The following ANKRD54 variants were observed in gnomAD, a reference collection of about 807,000 sequenced individuals.
ANKRD54 encodes ankyrin repeat domain-containing protein 54.
ANKRD54 carries 26 observed loss-of-function variants against 36.2 expected under a neutral mutation model. The observed-to-expected ratio is 0.72, with a 90% CI of 0.53 to 1.00. The LOEUF (loss-of-function observed/expected upper bound fraction) is 1.00. Ranked by LOEUF, ANKRD54 falls within the 50% of genes least tolerant of loss-of-function variation. The pLI is 0.00. For synonymous variants in ANKRD54, 209 were observed against 188.4 expected (o/e 1.11, Z -0.89); for missense variants, 384 against 424.3 (o/e 0.91, Z 0.83).
chr22:37,837,270 A>ATGTGT, intron 3 of ANKRD54, among the ~76,000 whole-genome samples: 1 of 152,202 alleles, frequency 6.6e-6, no homozygotes, highest in Middle Eastern at 3.4e-3. Flanking sequence ...AGCTAAATAC[A>ATGTGT]TGTGTACCCT....
chr22:37,831,762 G>A lies in ANKRD54; in HGVS notation c.*181C>T, dbSNP rs1290856259. On this transcript the variant is annotated 3_prime_UTR_variant, in exon 8 of 8. Transcript: ENST00000215941. ...GTCCACAGAGATGCTGGAAACTGTG[G>A]CTGGGAGTGGCTCTGAGGCCGTGGA... 3 of 599,484 alleles carry A rather than the reference G, an allele frequency of 5.0e-6. No individual in the cohort carries two copies. The highest frequency in any genetic ancestry group is 8.8e-6 in the Non-Finnish European group (3 of 339,258). 37.1% of individuals were successfully genotyped at this position (599,484 alleles called of 1,614,324 possible).
chr22:37,844,634 C>G (rs1041709408), upstream of ANKRD54, among the ~76,000 whole-genome samples: 2 of 152,060 alleles, frequency 1.3e-5, no homozygotes, highest in Non-Finnish European at 2.9e-5. Flanking sequence ...CCGCCAGGCT[C>G]GCGATCTCGG....
chr22:37,839,814 C>T (rs905636281), intron 2 of ANKRD54, among the ~76,000 whole-genome samples: 1 of 152,256 alleles, frequency 6.6e-6, no homozygotes, highest in South Asian at 2.1e-4. Context: ...GCCACCTCAC[C>T]TGGCCGTGGC....
chr22:37,833,081 C>T lies in ANKRD54; in HGVS notation c.597G>A (p.Gly199=). The change falls in exon 6 of 8, where the codon GGG becomes GGA. Residue 199 remains glycine (G), a splice_region_variant and synonymous_variant. Transcript: ENST00000215941. The part of the protein sequence containing the change: ...VPVITTLLRG[G]ARVDALDRAG... ...CTCGGTCCAGGGCATCTACACGGGC[C>T]CCTGCAGGTACCAGCTGAGGTGAGC... The T allele has an allele frequency of 6.2e-7, 1 of 1,614,040 alleles. No individual in the cohort carries two copies. Among genetic ancestry groups the T allele is most frequent in the Non-Finnish European group, 8.5e-7 (1 of 1,179,982 alleles).
Position 37,832,000 on chromosome 22 carries a change from G to T in ANKRD54, c.846C>A (p.Asp282Glu), listed in dbSNP as rs1396222501. ...TGAGGGAGGTGAAGCTGGCCAGGAG[G>T]TCAGTCACTTCATCCACCTGCAGGA... ...STKEQVDEVT[D>E]LLASFTSLSL... The change falls in exon 8 of 8, where the codon GAC (aspartate) becomes GAA (glutamate). Residue 282 changes from aspartate to glutamate, a missense_variant. Coordinates refer to ENST00000215941, the MANE Select transcript of ANKRD54 (RefSeq NM_138797.4). 1 of 1,613,394 alleles carries T rather than the reference G, an allele frequency of 6.2e-7. No homozygotes were observed.
intron 1 of ANKRD54, 29 bp downstream of exon 1, chr22:37,843,882 C>T: frequency 8.3e-7 from 1 of 1,203,302 alleles, no homozygotes; most frequent in Non-Finnish European, 1.0e-6. Flanking sequence ...TGCCCCGCCC[C>T]GGGCCCCCGC....
In ANKRD54 at chr22:37,831,868, T is replaced by C. The variant is rs1922919638; in HGVS notation, c.*75A>G. The C allele has an allele frequency of 2.7e-6, 4 of 1,501,036 alleles. No individual in the cohort carries two copies. Among genetic ancestry groups the C allele is most frequent in the Non-Finnish European group, 3.7e-6 (4 of 1,091,976 alleles). The allele number at this position is 1,501,036 out of a possible 1,614,324, so 93.0% of individuals were successfully genotyped here. A position where few individuals can be genotyped will look rare whatever the true frequency, so the allele number is the denominator to read the frequency against. On this transcript the variant is annotated 3_prime_UTR_variant, in exon 8 of 8. Coordinates refer to ENST00000215941, the MANE Select transcript of ANKRD54 (RefSeq NM_138797.4). ...CAAGTGCAGCTCCAAGTCCCAGATG[T>C]TGGGCTTTTTCTTGGTACTGAGACA...
At chr22:37,835,270 G>A in intron 3 of ANKRD54, among the ~76,000 whole-genome samples, 1 of 152,060 alleles carries the variant, frequency 6.6e-6, no homozygotes, top group East Asian at 1.9e-4. Context: ...GCTGAGGTGG[G>A]AGAATAGCTT....
rs755470303 is a variant in ANKRD54 at position 37,832,642 on chromosome 22, C to T, written c.823G>A (p.Glu275Lys). 6.8e-6 allele frequency: 11 copies of T among 1,614,020 alleles called. No homozygotes were observed. In the South Asian group the frequency reaches 1.2e-4, roughly 18 times the overall value. ...GGCCTGTGGCTGCAGCTCACCTGCT[C>T]TTTGGTACTGGTCATCTGCAGGCGG... The part of the protein sequence containing the change: ...CTRLQMTSTK[E>K]QVDEVTDLLA... The change falls in exon 7 of 8, where the codon GAG (glutamate) becomes AAG (lysine). Residue 275 changes from glutamate (E) to lysine (K), a missense_variant. Physicochemically the swap from Glu to Lys is moderately conservative, Grantham distance 56 (BLOSUM62 1). Transcript: ENST00000215941.
intron 2 of ANKRD54, 91 bp from the exon 3 acceptor site, chr22:37,838,689 G>T: frequency 7.5e-7 from 1 of 1,327,602 alleles, no homozygotes. Flanking sequence ...AGGCTCAGGG[G>T]TGCCTCTAGA....
At position 37,837,609 on chromosome 22, in the gene ANKRD54, C is replaced by G. The variant is rs8136241; in HGVS notation, c.475+891G>C. Among the ~76,000 whole-genome samples the G allele has an allele frequency of 3.7e-3, 571 of 152,270 alleles. 1 individual carries two copies. The highest frequency in any genetic ancestry group is 0.013 in the African/African-American group (544 of 41,534). On this transcript the variant is annotated intron_variant, in intron 3 of 7. Transcript: ENST00000215941. ...ATGGAGTTTGGTATCTGAGTGGGGT[C>G]CTGGAACCAATCCCAAGAACACTGA... is the stretch of plus-strand genomic sequence containing the variant.
In ANKRD54 at chr22:37,831,160, G is replaced by C. The variant is rs1005240117; in HGVS notation, c.*783C>G. 1 of 152,218 alleles carries C rather than the reference G, an allele frequency of 6.6e-6. No individual in the cohort carries two copies. The highest frequency in any genetic ancestry group is 6.5e-5 in the Admixed American group (1 of 15,276). The allele number at this position is 152,218 out of a possible 1,614,324, so 9.4% of individuals were successfully genotyped here. On this transcript the variant is annotated 3_prime_UTR_variant, in exon 8 of 8. Coordinates refer to ENST00000215941, the MANE Select transcript of ANKRD54 (RefSeq NM_138797.4). ...AGCTGGGATAATCTTCCTGGCGAAA[G>C]ATCCTTAACTTCATTACATCTGCAA...
intron 1 of ANKRD54, among the ~76,000 whole-genome samples, chr22:37,842,911 T>G (rs1038332899): frequency 1.3e-5 from 2 of 152,248 alleles, no homozygotes; most frequent in Non-Finnish European, 1.5e-5. Flanking sequence ...TGACCCGGAT[T>G]CTAATACCAG....
intron 3 of ANKRD54, among the ~76,000 whole-genome samples, chr22:37,835,586 C>T (rs1015993387): frequency 1.1e-4 from 16 of 152,128 alleles, no homozygotes; most frequent in African/African-American, 2.9e-4. Flanking sequence ...GTGACAGGAT[C>T]GCCTGAGCCC....
intron 2 of ANKRD54, 72 bp downstream of exon 2, chr22:37,840,115 T>G: frequency 6.4e-7 from 1 of 1,574,182 alleles, no homozygotes; most frequent in Non-Finnish European, 8.7e-7. Flanking sequence ...TTCCCACATA[T>G]TGATTACCTG....
intron 3 of ANKRD54, 58 bp downstream of exon 3, chr22:37,838,442 G>C: frequency 6.6e-7 from 1 of 1,517,282 alleles, no homozygotes; most frequent in Non-Finnish European, 9.0e-7. Context: ...CTCCCCCAAG[G>C]CCTGTGCAGA....
At chr22:37,832,380 G>A (rs1569092576) in intron 7 of ANKRD54, among the ~76,000 whole-genome samples, 1 of 151,442 alleles carries the variant, frequency 6.6e-6, no homozygotes, top group Non-Finnish European at 1.5e-5. Context: ...TTTTCCACAT[G>A]TTCTGAGAGG....
Position 37,843,936 on chromosome 22 carries a change from G to A in ANKRD54, c.303C>T (p.Leu101=), listed in dbSNP as rs748408741. The change falls in exon 1 of 8, where the codon CTC becomes CTT. Residue 101 remains leucine (L), a synonymous_variant. Coordinates refer to ENST00000215941, the MANE Select transcript of ANKRD54 (RefSeq NM_138797.4). ...CGTGCACCTCCTTGCCCGTGGGCCC[G>A]AGCCGCCGGTGGGGCCTGGCAGCGC... is the stretch of plus-strand genomic sequence containing the variant. ...LRRAARPHRR[L]GPTGKEVHAL... 23 of 1,364,584 alleles carry A rather than the reference G, an allele frequency of 1.7e-5. No homozygotes were observed. The South Asian group carries it at 3.7e-4, about 22-fold the overall frequency. 84.5% of individuals were successfully genotyped at this position (1,364,584 alleles called of 1,614,324 possible).
At chr22:37,838,202 G>A (rs1388905323) in intron 3 of ANKRD54, among the ~76,000 whole-genome samples, 2 of 152,178 alleles carry the variant, frequency 1.3e-5, no homozygotes, top group Non-Finnish European at 2.9e-5. Flanking sequence ...CTGAGTAAAT[G>A]TTACCTGAAA....
Sources: gnomAD v4.1 joint callset for allele counts (sites outside exome capture counted in the v4.1 genomes callset) on GRCh38, gnomAD v4.1.1 for gene constraint, MANE v1.5 for transcripts, NCBI Gene and HGNC (gene_info 2026-07-23, HGNC 2026-07-21) for gene names.